The following SLC44A5 variants were observed in gnomAD, a reference collection of about 807,000 sequenced individuals.
SLC44A5 encodes the protein solute carrier family 44 member 5.
A neutral mutation model predicts 101.8 loss-of-function variants in SLC44A5; 57 were observed. The ratio of observed to expected loss-of-function variants is 0.56; its 90% confidence interval spans 0.45 to 0.70. SLC44A5 has a LOEUF of 0.70. Among genes scored for constraint, SLC44A5 ranks in the 30% least tolerant of loss-of-function variants. SLC44A5 has a pLI of 0.00. For synonymous variants in SLC44A5, 281 were observed against 290.9 expected, an observed-to-expected ratio of 0.97 and a Z score of 0.35; for missense variants, 737 against 853.1, an observed-to-expected ratio of 0.86 and a Z score of 1.70.
At chr1:75,401,966 G>A (rs1662508253) in intron 2 of SLC44A5, among the ~76,000 whole-genome samples, 2 of 152,092 alleles carry the variant, frequency 1.3e-5, no homozygotes, top group African/African-American at 2.4e-5. Context: ...CCCAGAGAAA[G>A]GCAACAGAGA....
At chr1:75,414,759 G>T (rs1190351819) in intron 2 of SLC44A5, among the ~76,000 whole-genome samples, 1 of 152,120 alleles carries the variant, frequency 6.6e-6, no homozygotes, top group African/African-American at 2.4e-5. Context: ...TATGAGGAAG[G>T]AGAAAGCATG....
chr1:75,616,107 CT>C (rs1004930071), upstream of SLC44A5, among the ~76,000 whole-genome samples: 25 of 151,956 alleles, frequency 1.6e-4, no homozygotes, highest in African/African-American at 6.0e-4. Context: ...GCTGGCCCCC[CT>C]CTTGCGCTGC....
At chr1:75,331,192 G>C (rs1657027834) in intron 4 of SLC44A5, among the ~76,000 whole-genome samples, 1 of 151,984 alleles carries the variant, frequency 6.6e-6, no homozygotes, top group South Asian at 2.1e-4. Flanking sequence ...CCCAATTCTT[G>C]ATCACCAGCC....
chr1:75,682,292 G>A, the SLC44A5 span, among the ~76,000 whole-genome samples: 1 of 152,018 alleles, frequency 6.6e-6, no homozygotes, highest in African/African-American at 2.4e-5. Context: ...AGCCCGCATT[G>A]CCAAGTCAAT....
At chr1:75,503,400 C>T (rs1022772643) in intron 2 of SLC44A5, among the ~76,000 whole-genome samples, 3 of 151,942 alleles carry the variant, frequency 2.0e-5, no homozygotes, top group Non-Finnish European at 2.9e-5. Context: ...TCACGAGATC[C>T]GGTTATTTAA....
At chr1:75,482,091 T>C (rs1310983818) in intron 2 of SLC44A5, among the ~76,000 whole-genome samples, 1 of 151,994 alleles carries the variant, frequency 6.6e-6, no homozygotes, top group Non-Finnish European at 1.5e-5. Flanking sequence ...TATGCAGCCA[T>C]AAAAAATGAT....
At chr1:75,479,727 A>T (rs1471850128) in intron 2 of SLC44A5, among the ~76,000 whole-genome samples, 2 of 152,230 alleles carry the variant, frequency 1.3e-5, no homozygotes, top group Non-Finnish European at 2.9e-5. Context: ...TGAATAGACC[A>T]ATAACAGGCT....
At chr1:75,431,923 G>A (rs1161673439) in intron 2 of SLC44A5, among the ~76,000 whole-genome samples, 3 of 152,070 alleles carry the variant, frequency 2.0e-5, no homozygotes, top group Non-Finnish European at 4.4e-5. Flanking sequence ...AGGGAGGAGA[G>A]GAGTATTATT....
the SLC44A5 span, among the ~76,000 whole-genome samples, chr1:75,626,548 A>G: frequency 2.6e-5 from 4 of 152,154 alleles, no homozygotes; most frequent in Non-Finnish European, 5.9e-5. Context: ...GAGGGCTGCA[A>G]GAAAATAAGC....
rs75895313 is a variant in SLC44A5, at chr1:75,412,214, A to G, written c.14-15593T>C. ...GGACTATATCTTTTTTAATCTTTGTATCTCCAGCGTATAACACAGTGCCAG... is the reference window on the plus strand; with the variant it reads ...GGACTATATCTTTTTTAATCTTTGTGTCTCCAGCGTATAACACAGTGCCAG... On this transcript the variant is annotated intron_variant, in intron 2 of 23. Coordinates refer to ENST00000370859, the MANE Select transcript of SLC44A5 (RefSeq NM_001130058.2). Among the ~76,000 whole-genome samples the G allele has an allele frequency of 2.4e-4, 37 of 152,326 alleles. No individual in the cohort carries two copies. The East Asian group carries it at 6.4e-3, about 26-fold the overall frequency.
intron 3 of SLC44A5, among the ~76,000 whole-genome samples, chr1:75,351,034 A>C (rs1294959734): frequency 1.3e-5 from 2 of 151,034 alleles, no homozygotes; most frequent in Non-Finnish European, 3.0e-5. Context: ...TATTACTATT[A>C]GGTTGGTGCA....
rs1294593998 is a variant in SLC44A5, at chr1:75,217,908, T to A, written c.1582A>T (p.Met528Leu). The change falls in exon 18 of 24, where the codon ATG (methionine) becomes TTG (leucine). Residue 528 changes from methionine (M) to leucine (L), a missense_variant. Around this residue, in one of 3 missense-constraint regions of SLC44A5, gnomAD observed 665 missense variants for 764.4 expected, o/e 0.87. Transcript: ENST00000370859. ...AAGTATTCTAGTACAATTTTAAACA[T>A]TTGAATTAATGCAATAATTAAAGAT... ...FGSLIIALIQMFKIVLEYLDH... is the reference protein window; with the variant it reads ...FGSLIIALIQLFKIVLEYLDH... 2.5e-6 allele frequency: 4 copies of A among 1,605,848 alleles called. No homozygotes were observed. Among genetic ancestry groups the A allele is most frequent in the Non-Finnish European group, 2.6e-6 (3 of 1,172,824 alleles).
At chr1:75,540,620 T>A (rs1010467116) in intron 2 of SLC44A5, among the ~76,000 whole-genome samples, 2 of 152,240 alleles carry the variant, frequency 1.3e-5, no homozygotes, top group Admixed American at 1.3e-4. Flanking sequence ...CTTTTTTATA[T>A]ACTCAGCCAA....
intron 2 of SLC44A5, among the ~76,000 whole-genome samples, chr1:75,430,097 A>G (rs908071886): frequency 6.6e-6 from 1 of 152,132 alleles, no homozygotes; most frequent in African/African-American, 2.4e-5. Flanking sequence ...TATGTGTTGG[A>G]AACTTAATCC....
chr1:75,477,463 G>A (rs1482637605), intron 2 of SLC44A5, among the ~76,000 whole-genome samples: 2 of 152,132 alleles, frequency 1.3e-5, no homozygotes, highest in Admixed American at 6.5e-5. Context: ...CGAGTTACAG[G>A]AGTAAATTCA....
chr1:75,278,518 A>G (rs1436023529), intron 5 of SLC44A5, among the ~76,000 whole-genome samples: 1 of 152,190 alleles, frequency 6.6e-6, no homozygotes, highest in Non-Finnish European at 1.5e-5. Context: ...ATAGTCACAG[A>G]TAATATATCT....
intron 3 of SLC44A5, among the ~76,000 whole-genome samples, chr1:75,390,062 A>T (rs970901725): frequency 7.2e-5 from 11 of 152,148 alleles, no homozygotes; most frequent in African/African-American, 2.4e-4. Flanking sequence ...AAACTAAAAA[A>T]TCTAGAGGAA....
the SLC44A5 span, among the ~76,000 whole-genome samples, chr1:75,646,638 A>T: frequency 6.6e-6 from 1 of 152,136 alleles, no homozygotes. Context: ...TGCTCTTCTC[A>T]TGATAGTGAG....
intron 2 of SLC44A5, among the ~76,000 whole-genome samples, chr1:75,479,542 G>C (rs1386708806): frequency 6.6e-6 from 1 of 152,136 alleles, no homozygotes; most frequent in Non-Finnish European, 1.5e-5. Flanking sequence ...GAATCAAATA[G>C]ATGCAATAAA....
Sources: gnomAD v4.1 joint callset for allele counts (sites outside exome capture counted in the v4.1 genomes callset) on GRCh38, gnomAD v4.1.1 for gene constraint, gnomAD v4.1.1 regional missense constraint, MANE v1.5 for transcripts, NCBI Gene and HGNC (gene_info 2026-07-23, HGNC 2026-07-21) for gene names.